The following HPD variants were observed in gnomAD, a reference collection of about 807,000 sequenced individuals.
The protein encoded by HPD is 4-hydroxyphenylpyruvate dioxygenase.
HPD carries 35 observed loss-of-function variants against 56.9 expected under a neutral mutation model. The ratio of observed to expected loss-of-function variants is 0.62; its 90% confidence interval spans 0.47 to 0.82. The LOEUF (loss-of-function observed/expected upper bound fraction) is 0.82. Ranked by LOEUF, HPD falls within the 40% of genes least tolerant of loss-of-function variation. The pLI is 0.00. For missense variants in HPD, 442 were observed against 506.8 expected, an observed-to-expected ratio of 0.87 and a Z score of 1.23; for synonymous variants, 186 against 200.2, an observed-to-expected ratio of 0.93 and a Z score of 0.60.
chr12:121,859,773 G>A (rs1878127813), upstream of HPD, among the ~76,000 whole-genome samples: 1 of 152,232 alleles, frequency 6.6e-6, no homozygotes, highest in African/African-American at 2.4e-5. Context: ...GGCCATTCAG[G>A]AGGCAGGCAA....
the HPD span, among the ~76,000 whole-genome samples, chr12:121,875,957 A>G: frequency 6.6e-6 from 1 of 152,106 alleles, no homozygotes; most frequent in Non-Finnish European, 1.5e-5. Context: ...CCCATCTCAA[A>G]AAGAACAGAG....
At chr12:121,847,577 G>A (rs924771860) in intron 9 of HPD, among the ~76,000 whole-genome samples, 7 of 151,888 alleles carry the variant, frequency 4.6e-5, no homozygotes, top group South Asian at 4.2e-4. Flanking sequence ...CGCTCTTTTC[G>A]CCCAGGCTGG....
At chr12:121,881,827 T>TTTTTTTTTTTTTTTTTTTGAGACGG in the HPD span, among the ~76,000 whole-genome samples, 1 of 137,918 alleles carries the variant, frequency 7.3e-6, no homozygotes, top group Admixed American at 7.7e-5. Flanking sequence ...TTTGTATTTT[T>TTTTTTTTTTTTTTTTTTTGAGACGG]AATAGAGACA....
At chr12:121,846,704 G>T (rs1877595256) in intron 11 of HPD, among the ~76,000 whole-genome samples, 158 bp downstream of exon 11, 1 of 152,158 alleles carries the variant, frequency 6.6e-6, no homozygotes, top group Admixed American at 6.6e-5. Context: ...GTGTGGCTGT[G>T]CCTGCCCATG....
At chr12:121,867,525 T>C (rs990097330), upstream of HPD, among the ~76,000 whole-genome samples, 1 of 151,970 alleles carries the variant, frequency 6.6e-6, no homozygotes, top group African/African-American at 2.4e-5. Context: ...GCTAAATTGT[T>C]TTTTTTGAGA....
At chr12:121,882,158 G>T in the HPD span, among the ~76,000 whole-genome samples, 9 of 151,992 alleles carry the variant, frequency 5.9e-5, no homozygotes, top group African/African-American at 1.7e-4. Flanking sequence ...CTTTATGGCT[G>T]TCAGAGTCCA....
chr12:121,843,043 G>A (rs1877460797), intron 12 of HPD, among the ~76,000 whole-genome samples: 1 of 152,118 alleles, frequency 6.6e-6, no homozygotes, highest in South Asian at 2.1e-4. Flanking sequence ...ACCACACCCA[G>A]TCCTAAAATG....
chr12:121,888,322 A>T, the HPD span, among the ~76,000 whole-genome samples: 42 of 152,290 alleles, frequency 2.8e-4, no homozygotes, highest in African/African-American at 9.6e-4. Context: ...TGAGGCCCAG[A>T]GAAGCCAAGT....
chr12:121,875,745 A>G, the HPD span, among the ~76,000 whole-genome samples: 296 of 152,268 alleles, frequency 1.9e-3, no homozygotes, highest in Non-Finnish European at 3.4e-3. Context: ...AATTTCGAGT[A>G]TCAACATGAA....
At chr12:121,857,721 C>G in intron 3 of HPD, 36 bp downstream of exon 3, 1 of 1,581,158 alleles carries the variant, frequency 6.3e-7, no homozygotes, top group Non-Finnish European at 8.7e-7. Context: ...TCTGCCCTGC[C>G]GTCTGCTCAC....
the HPD span, among the ~76,000 whole-genome samples, chr12:121,883,095 G>A: frequency 6.6e-6 from 1 of 152,020 alleles, no homozygotes; most frequent in African/African-American, 2.4e-5. Flanking sequence ...GGTGGGAAGA[G>A]CAGGTGCTAA....
chr12:121,860,114 T>C (rs1230746187), upstream of HPD, among the ~76,000 whole-genome samples: 2 of 152,108 alleles, frequency 1.3e-5, no homozygotes, highest in African/African-American at 4.8e-5. Context: ...GCAGTGATCA[T>C]GCCACTGCCC....
intron 12 of HPD, among the ~76,000 whole-genome samples, chr12:121,840,891 C>CAA (rs71079100): frequency 5.3e-5 from 8 of 149,554 alleles, no homozygotes; most frequent in African/African-American, 1.2e-4. Flanking sequence ...CCAGTCACTA[C>CAA]AAAAAAAAAT....
the HPD span, among the ~76,000 whole-genome samples, chr12:121,881,063 T>C: frequency 6.6e-6 from 1 of 152,206 alleles, no homozygotes; most frequent in African/African-American, 2.4e-5. Context: ...AGTGTTGGGA[T>C]TACAGGCGTG....
At chr12:121,873,557 G>A in the HPD span, among the ~76,000 whole-genome samples, 1 of 152,188 alleles carries the variant, frequency 6.6e-6, no homozygotes, top group African/African-American at 2.4e-5. Context: ...GGTGGCTCAC[G>A]CCTGTAATCC....
chr12:121,867,136 A>G (rs1329504952), upstream of HPD, among the ~76,000 whole-genome samples: 6 of 152,104 alleles, frequency 3.9e-5, no homozygotes, highest in Non-Finnish European at 8.8e-5. Context: ...AGATCACCTG[A>G]AGTCAGGAAT....
At chr12:121,857,481 T>G in intron 3 of HPD, 49 bp from the exon 4 acceptor site, 1 of 1,391,068 alleles carries the variant, frequency 7.2e-7, no homozygotes, top group South Asian at 1.2e-5. Context: ...GGGGCCAGCA[T>G]GGGGGACTTC....
chr12:121,852,479 G>T (rs1877824860), intron 7 of HPD, among the ~76,000 whole-genome samples: 1 of 151,058 alleles, frequency 6.6e-6, no homozygotes, highest in Non-Finnish European at 1.5e-5. Flanking sequence ...CCTTTATGTT[G>T]AATTTAATCT....
intron 3 of HPD, 50 bp from the exon 4 acceptor site, chr12:121,857,482 G>C (rs766522783): frequency 1.4e-6 from 2 of 1,382,322 alleles, no homozygotes; most frequent in Non-Finnish European, 2.1e-6. Flanking sequence ...GGGCCAGCAT[G>C]GGGGACTTCC....
Sources: gnomAD v4.1 joint callset for allele counts (sites outside exome capture counted in the v4.1 genomes callset) on GRCh38, gnomAD v4.1.1 for gene constraint, MANE v1.5 for transcripts, NCBI Gene and HGNC (gene_info 2026-07-23, HGNC 2026-07-21) for gene names.